TMEM201: variants seen among roughly 807,000 people sequenced by gnomAD.
The protein encoded by TMEM201 is transmembrane protein 201, also known as RP13-15M17.2.
A neutral mutation model predicts 63.4 loss-of-function variants in TMEM201; 26 were observed. That is an observed-to-expected ratio of 0.41 (90% CI 0.30 to 0.57). The LOEUF (loss-of-function observed/expected upper bound fraction) is 0.57. Ranked by LOEUF, TMEM201 falls within the 20% of genes least tolerant of loss-of-function variation. TMEM201 has a pLI of 0.29. For missense variants in TMEM201, 794 were observed against 917.7 expected, an observed-to-expected ratio of 0.87 and a Z score of 1.74; for synonymous variants, 417 against 421.6, an observed-to-expected ratio of 0.99 and a Z score of 0.14.
chr1:9,600,509 C>T (rs145843499), intron 4 of TMEM201, among the ~76,000 whole-genome samples: 14 of 152,278 alleles, frequency 9.2e-5, no homozygotes, highest in African/African-American at 2.6e-4. Context: ...ACATAATAAA[C>T]GCGTGGTGAT....
intron 5 of TMEM201, 53 bp downstream of exon 5, chr1:9,601,507 T>A (rs1190156025): frequency 6.6e-7 from 1 of 1,517,100 alleles, no homozygotes; most frequent in Non-Finnish European, 8.9e-7. Context: ...GTGTGCTGGA[T>A]TACTGTCTAG....
chr1:9,613,112 C>T lies in TMEM201; in HGVS notation c.*29C>T. The T allele has an allele frequency of 6.5e-7, 1 of 1,544,458 alleles. No homozygotes were observed. On this transcript the variant is annotated 3_prime_UTR_variant, in exon 11 of 11. Coordinates refer to ENST00000340381, the MANE Select transcript of TMEM201 (RefSeq NM_001130924.3). ...ACCGTTGGAGCCCCTCGGAGGGGAG[C>T]AACCCGGTGCCTGCTGCTTCACCAC...
chr1:9,604,661 C>T lies in TMEM201; in HGVS notation c.1160+2389C>T, dbSNP rs984161417. 3 of 985,622 alleles carry T rather than the reference C, an allele frequency of 3.0e-6. No homozygotes were observed. Among genetic ancestry groups the T allele is most frequent in the African/African-American group, 3.5e-5 (2 of 57,214 alleles). 61.1% of individuals were successfully genotyped at this position (985,622 alleles called of 1,614,324 possible). A position where few individuals can be genotyped will look rare whatever the true frequency, so the allele number is the denominator to read the frequency against. On this transcript the variant is annotated intron_variant, in intron 6 of 10. Transcript: ENST00000340381. The surrounding 1 kb of genome is among the most constrained non-coding windows in gnomAD (Gnocchi z 4.1). ...TAAGCGAGGTAGATTCAGCCATCCT[C>T]ACCCTCAGACTTGAGGTCCCCACCC...
At chr1:9,589,402 G>A (rs1643883561) in intron 1 of TMEM201, among the ~76,000 whole-genome samples, 1 of 152,218 alleles carries the variant, frequency 6.6e-6, no homozygotes, top group Admixed American at 6.5e-5. Flanking sequence ...CGCGGCTGGC[G>A]GTTGCTGCTC....
At chr1:9,612,037 C>A in intron 10 of TMEM201, 147 bp downstream of exon 10, 1 of 909,090 alleles carries the variant, frequency 1.1e-6, no homozygotes, top group Non-Finnish European at 1.6e-6. Context: ...CCCGGCGCCT[C>A]TGAATCCAGG....
Position 9,607,701 on chromosome 1 carries a change from G to C in TMEM201, c.1305G>C (p.Arg435=), listed in dbSNP as rs1569955930. The C allele has an allele frequency of 7.1e-6, 11 of 1,551,754 alleles. No homozygotes were observed. The highest frequency in any genetic ancestry group is 8.7e-6 in the Non-Finnish European group (10 of 1,147,098). The change falls in exon 7 of 11, where the codon CGG becomes CGC. Residue 435 remains arginine (R), a synonymous_variant. Transcript: ENST00000340381. The surrounding 1 kb of genome is among the most constrained non-coding windows in gnomAD (Gnocchi z 5.4). ...CCCTCGCCAACCAGCAGCTCTTCCGGTCTCCTCGACGGACCTCACCCTCCT... is the reference window on the plus strand; with the variant it reads ...CCCTCGCCAACCAGCAGCTCTTCCGCTCTCCTCGACGGACCTCACCCTCCT... The part of the protein sequence containing the change: ...FLPLANQQLF[R]SPRRTSPSSL...
At chr1:9,589,289 C>T (rs1413958991) in intron 1 of TMEM201, among the ~76,000 whole-genome samples, 1 of 151,814 alleles carries the variant, frequency 6.6e-6, no homozygotes, top group Non-Finnish European at 1.5e-5. Context: ...GCGCGGGGGC[C>T]ACAAACTTCC....
At chr1:9,601,833 C>T (rs1307367937) in intron 5 of TMEM201, among the ~76,000 whole-genome samples, 3 of 152,160 alleles carry the variant, frequency 2.0e-5, no homozygotes, top group Non-Finnish European at 2.9e-5. Flanking sequence ...CTCACCGACT[C>T]GGAGGAATTT....
chr1:9,603,240 C>T lies in TMEM201; in HGVS notation c.1160+968C>T. 1.0e-6 allele frequency: 1 copy of T among 985,240 alleles called. No individual in the cohort carries two copies. Among genetic ancestry groups the T allele is most frequent in the Non-Finnish European group, 1.2e-6 (1 of 829,782 alleles). 61.0% of individuals were successfully genotyped at this position (985,240 alleles called of 1,614,324 possible). ...CCTGCTCCTCAGTAGCAGGGCCTGGCCAGGCCCCTGCTGTTCTCAGCCTCA... is the reference window on the plus strand; with the variant it reads ...CCTGCTCCTCAGTAGCAGGGCCTGGTCAGGCCCCTGCTGTTCTCAGCCTCA... On this transcript the variant is annotated intron_variant, in intron 6 of 10. Transcript: ENST00000340381. This position sits in a 1 kb window ranked among gnomAD's most constrained non-coding sequence, Gnocchi z 4.5.
Position 9,603,479 on chromosome 1 carries a change from C to G in TMEM201, c.1160+1207C>G. The G allele has an allele frequency of 2.0e-6, 2 of 985,486 alleles. No individual in the cohort carries two copies. The highest frequency in any genetic ancestry group is 2.4e-6 in the Non-Finnish European group (2 of 829,956). The allele number at this position is 985,486 out of a possible 1,614,324, so 61.0% of individuals were successfully genotyped here. ...CCCTCACCGGGCATGTTCCCTCTGG[C>G]TGCCCACTCCCTCAGGGCCCACATG... On this transcript the variant is annotated intron_variant, in intron 6 of 10. Transcript: ENST00000340381. The surrounding 1 kb of genome is among the most constrained non-coding windows in gnomAD (Gnocchi z 4.5).
rs1041756113 is a variant in TMEM201, at chr1:9,605,100, G to A, written c.1161-2457G>A. The A allele has an allele frequency of 5.5e-5, 45 of 818,204 alleles. No homozygotes were observed. Among genetic ancestry groups the A allele is most frequent in the Middle Eastern group, 6.2e-4 (1 of 1,614 alleles). 50.7% of individuals were successfully genotyped at this position (818,204 alleles called of 1,614,324 possible). Reference sequence around the variant, plus strand: ...CAGTGACAATGACACCAGCTGGCTCGGGGCCCGGCTCGCCTCCTCGCCTTT... The same window carrying A: ...CAGTGACAATGACACCAGCTGGCTCAGGGCCCGGCTCGCCTCCTCGCCTTT... On this transcript the variant is annotated intron_variant, in intron 6 of 10. Coordinates refer to ENST00000340381, the MANE Select transcript of TMEM201 (RefSeq NM_001130924.3). This position sits in a 1 kb window ranked among gnomAD's most constrained non-coding sequence, Gnocchi z 5.7.
rs1227554593 is a variant in TMEM201, at chr1:9,604,750, C to T, written c.1160+2478C>T. ...AACCGCCAGGACGCAGCCTCCACGC[C>T]GCACCTGCCACATTCAGCCCTGCCC... On this transcript the variant is annotated intron_variant, in intron 6 of 10. Coordinates refer to ENST00000340381, the MANE Select transcript of TMEM201 (RefSeq NM_001130924.3). This position sits in a 1 kb window ranked among gnomAD's most constrained non-coding sequence, Gnocchi z 4.1. The T allele has an allele frequency of 8.1e-6, 8 of 985,896 alleles. No individual in the cohort carries two copies. The highest frequency in any genetic ancestry group is 1.7e-5 in the African/African-American group (1 of 57,240). The allele number at this position is 985,896 out of a possible 1,614,324, so 61.1% of individuals were successfully genotyped here. A position where few individuals can be genotyped will look rare whatever the true frequency, so the allele number is the denominator to read the frequency against.
chr1:9,596,731 A>G lies in TMEM201; in HGVS notation c.235-128A>G, dbSNP rs1373454706. The stretch of plus-strand genomic sequence containing the variant: ...AGCAGCTGCTGTTGTGTGCAGAAGA[A>G]AAAAAAGAATGGAGATGTTTGAGAT... On this transcript the variant is annotated intron_variant, in intron 2 of 10. Coordinates refer to ENST00000340381, the MANE Select transcript of TMEM201 (RefSeq NM_001130924.3). 3.1e-6 allele frequency: 3 copies of G among 983,458 alleles called. No individual in the cohort carries two copies. In the East Asian group the frequency reaches 8.0e-5, roughly 26 times the overall value. 60.9% of individuals were successfully genotyped at this position (983,458 alleles called of 1,614,324 possible). A position where few individuals can be genotyped will look rare whatever the true frequency, so the allele number is the denominator to read the frequency against.
In TMEM201 at chr1:9,605,354, C is replaced by T. The variant is rs1488321961; in HGVS notation, c.1161-2203C>T. On this transcript the variant is annotated intron_variant, in intron 6 of 10. Coordinates refer to ENST00000340381, the MANE Select transcript of TMEM201 (RefSeq NM_001130924.3). This position sits in a 1 kb window ranked among gnomAD's most constrained non-coding sequence, Gnocchi z 5.7. ...AGCCAGCATCCAGGCCTGATCCTGG[C>T]CTCTTAGTCCCTCTCTGACACTCCC... is the stretch of plus-strand genomic sequence containing the variant. Among the ~76,000 whole-genome samples the T allele has an allele frequency of 1.3e-5, 2 of 150,282 alleles. No individual in the cohort carries two copies. Among genetic ancestry groups the T allele is most frequent in the South Asian group, 4.3e-4 (2 of 4,702 alleles).
intron 4 of TMEM201, 23 bp downstream of exon 4, chr1:9,598,648 CG>C (rs1298905267): frequency 1.9e-6 from 3 of 1,601,128 alleles, no homozygotes; most frequent in Non-Finnish European, 2.6e-6. Context: ...ATCCACAGGG[CG>C]GGGGTGGGGG....
intron 1 of TMEM201, among the ~76,000 whole-genome samples, chr1:9,595,456 G>T (rs937420177): frequency 6.6e-6 from 1 of 152,044 alleles, no homozygotes; most frequent in African/African-American, 2.4e-5. Flanking sequence ...AGGACCTCGT[G>T]GGGGAGGGGT....
Position 9,589,877 on chromosome 1 carries a change from G to C in TMEM201, c.113+834G>C, listed in dbSNP as rs1046934710. Among the ~76,000 whole-genome samples, 10 of 152,226 alleles carry C rather than the reference G, an allele frequency of 6.6e-5. 1 individual carries two copies. The highest frequency in any genetic ancestry group is 3.9e-4 in the Admixed American group (6 of 15,288). ...TGGATGGGTTTGCAGCTTCGGCAAG[G>C]GATGCAATGAGCTCACACCCTTAGG... On this transcript the variant is annotated intron_variant, in intron 1 of 10. Transcript: ENST00000340381.
chr1:9,589,164 C>A, intron 1 of TMEM201, 121 bp downstream of exon 1: 1 of 243,586 alleles, frequency 4.1e-6, no homozygotes, highest in South Asian at 1.5e-4. Flanking sequence ...GCGCGGAGAC[C>A]CCCGGCGCGC....
In TMEM201 at chr1:9,604,794, C is replaced by T. The variant is rs2100505710; in HGVS notation, c.1160+2522C>T. On this transcript the variant is annotated intron_variant, in intron 6 of 10. Transcript: ENST00000340381. This position sits in a 1 kb window ranked among gnomAD's most constrained non-coding sequence, Gnocchi z 4.1. ...CCTGCCCAGGAAGGAACACATGACC[C>T]TTCTGTCTGTGACTGTTGCTGAGTC... The T allele has an allele frequency of 4.1e-6, 4 of 985,990 alleles. No individual in the cohort carries two copies. Among genetic ancestry groups the T allele is most frequent in the Non-Finnish European group, 4.8e-6 (4 of 829,994 alleles). 61.1% of individuals were successfully genotyped at this position (985,990 alleles called of 1,614,324 possible). A position where few individuals can be genotyped will look rare whatever the true frequency, so the allele number is the denominator to read the frequency against.
Sources: gnomAD v4.1 joint callset for allele counts (sites outside exome capture counted in the v4.1 genomes callset) on GRCh38, gnomAD v4.1.1 for gene constraint, Gnocchi (gnomAD v3.1) non-coding constraint, MANE v1.5 for transcripts, NCBI Gene and HGNC (gene_info 2026-07-23, HGNC 2026-07-21) for gene names.